The following LITAF variants were observed in gnomAD, a reference collection of about 807,000 sequenced individuals.
The protein encoded by LITAF is lipopolysaccharide-induced tumor necrosis factor-alpha factor.
LITAF carries 9 observed loss-of-function variants against 14.5 expected under a neutral mutation model. The ratio of observed to expected loss-of-function variants is 0.62; its 90% CI spans 0.37 to 1.08. The LOEUF is 1.08. Ranked by LOEUF, LITAF falls within the 50% of genes least tolerant of loss-of-function variation. The pLI is 0.01. For synonymous variants in LITAF, 98 were observed against 88.2 expected (o/e 1.11, Z -0.62); for missense variants, 206 against 213.4 (o/e 0.97, Z 0.22).
upstream of LITAF, among the ~76,000 whole-genome samples, chr16:11,602,092 G>T (rs937956989): frequency 6.6e-6 from 1 of 152,210 alleles, no homozygotes; most frequent in African/African-American, 2.4e-5. Flanking sequence ...GGGTGCAGTG[G>T]CTCATGCCTG....
intron 3 of LITAF, among the ~76,000 whole-genome samples, chr16:11,618,571 G>A (rs2065031103): frequency 6.6e-6 from 1 of 152,206 alleles, no homozygotes; most frequent in Non-Finnish European, 1.5e-5. Flanking sequence ...TGTGTGCGAT[G>A]GGCTAATAGC....
rs2065131177 is a variant in LITAF at position 11,634,670 on chromosome 16, C to T, written c.-20-1033G>A. Among the ~76,000 whole-genome samples, 1 of 152,176 alleles carries T rather than the reference C, an allele frequency of 6.6e-6. No homozygotes were observed. Among genetic ancestry groups the T allele is most frequent in the African/African-American group, 2.4e-5 (1 of 41,456 alleles). On this transcript the variant is annotated intron_variant, in intron 2 of 3. Coordinates refer to the LITAF transcript ENST00000574848. The surrounding 1 kb of genome is among the most constrained non-coding windows in gnomAD (Gnocchi z 4.1). ...CCCCAACCAGTCAGCAGCACCCATT[C>T]CCTGGCCAGACGAACTATCCTTGAA...
chr16:11,607,545 GAAAAA>G (rs35035989), intron 3 of LITAF, among the ~76,000 whole-genome samples: 6 of 142,136 alleles, frequency 4.2e-5, no homozygotes, highest in Non-Finnish European at 7.7e-5. Context: ...TATCATTCGG[GAAAAA>G]AAAAAAAAGT....
intron 1 of LITAF, among the ~76,000 whole-genome samples, chr16:11,571,712 G>A (rs969457389): frequency 1.3e-5 from 2 of 152,180 alleles, no homozygotes; most frequent in African/African-American, 4.8e-5. Flanking sequence ...GTGGGAGTGG[G>A]CCCTGTGGTC....
At chr16:11,637,160 T>A (rs2065141408), upstream of LITAF, among the ~76,000 whole-genome samples, 1 of 152,214 alleles carries the variant, frequency 6.6e-6, no homozygotes, top group African/African-American at 2.4e-5. Context: ...CACAGTGCTA[T>A]GATTATAGGC....
chr16:11,608,041 CA>C (rs2064963551), intron 3 of LITAF, among the ~76,000 whole-genome samples: 1 of 152,202 alleles, frequency 6.6e-6, no homozygotes, highest in African/African-American at 2.4e-5. Context: ...TTAGCAGAAA[CA>C]GCTGGCTGAA....
chr16:11,583,194 T>C (rs562892235), intron 1 of LITAF, among the ~76,000 whole-genome samples: 11 of 152,330 alleles, frequency 7.2e-5, no homozygotes, highest in African/African-American at 2.4e-4. Flanking sequence ...TTCCATCTTC[T>C]GAGTTCAGGC....
At chr16:11,570,292 T>C (rs1033218678) in intron 1 of LITAF, among the ~76,000 whole-genome samples, 6 of 152,094 alleles carry the variant, frequency 3.9e-5, no homozygotes, top group African/African-American at 1.4e-4. Flanking sequence ...TACTATTATA[T>C]CAACACACAG....
chr16:11,574,938 G>A (rs1656958466), intron 1 of LITAF, among the ~76,000 whole-genome samples: 1 of 152,058 alleles, frequency 6.6e-6, no homozygotes. Flanking sequence ...AAATAGCTGG[G>A]ATTACAGGTG....
In LITAF at chr16:11,548,403, G is replaced by A. The variant is rs1399283662; in HGVS notation, c.*1234C>T. ...TCAGACTTTAGATTCCTCTGAAACAGTTCTGGTTCCCAAGCATCCGCACCA... is the reference window on the plus strand; with the variant it reads ...TCAGACTTTAGATTCCTCTGAAACAATTCTGGTTCCCAAGCATCCGCACCA... On this transcript the variant is annotated 3_prime_UTR_variant, in exon 4 of 4. Transcript: ENST00000622633. The A allele has an allele frequency of 2.2e-6, 1 of 453,932 alleles. No individual in the cohort carries two copies. Among genetic ancestry groups the A allele is most frequent in the Non-Finnish European group, 4.4e-6 (1 of 226,770 alleles). The allele number at this position is 453,932 out of a possible 1,614,324, so 28.1% of individuals were successfully genotyped here. A position where few individuals can be genotyped will look rare whatever the true frequency, so the allele number is the denominator to read the frequency against.
chr16:11,610,226 G>A (rs1179283569), intron 3 of LITAF, among the ~76,000 whole-genome samples: 1 of 152,218 alleles, frequency 6.6e-6, no homozygotes, highest in African/African-American at 2.4e-5. Context: ...CTGTCCCAGG[G>A]GAAAACAGGG....
intron 1 of LITAF, among the ~76,000 whole-genome samples, chr16:11,574,969 A>T (rs1158558804): frequency 6.6e-6 from 1 of 151,868 alleles, no homozygotes; most frequent in Non-Finnish European, 1.5e-5. Context: ...CGCTCAGCTC[A>T]TTTTTTTATT....
chr16:11,618,687 T>C (rs2065031570), intron 3 of LITAF, among the ~76,000 whole-genome samples: 1 of 151,912 alleles, frequency 6.6e-6, no homozygotes, highest in Non-Finnish European at 1.5e-5. Context: ...AGCTGCAAAT[T>C]AAAAACCCCC....
chr16:11,547,911 G>A lies in LITAF; in HGVS notation c.*1726C>T, dbSNP rs952995860. ...TTTTAATCGGGAAGGATTTTCTACC[G>A]TTACTGAACAAATAAAGGTTCTTTG... On this transcript the variant is annotated 3_prime_UTR_variant, in exon 4 of 4. Coordinates refer to ENST00000622633, the MANE Select transcript of LITAF (RefSeq NM_001136472.2). 6.6e-6 allele frequency: 3 copies of A among 453,940 alleles called. No homozygotes were observed. The highest frequency in any genetic ancestry group is 2.0e-5 in the African/African-American group (1 of 49,968). The allele number at this position is 453,940 out of a possible 1,614,324, so 28.1% of individuals were successfully genotyped here.
At chr16:11,630,321 C>T (rs1279912734) in intron 3 of LITAF, among the ~76,000 whole-genome samples, 3 of 152,208 alleles carry the variant, frequency 2.0e-5, no homozygotes, top group South Asian at 2.1e-4. Context: ...AGGAGGTGCC[C>T]GCAGTCTGGC....
At chr16:11,594,674 G>C (rs569351571) in intron 1 of LITAF, among the ~76,000 whole-genome samples, 19 of 152,062 alleles carry the variant, frequency 1.2e-4, no homozygotes, top group Non-Finnish European at 2.4e-4. Flanking sequence ...CTAAGAGTTT[G>C]AGACCAGCGT....
chr16:11,576,534 CA>C (rs66551972), intron 1 of LITAF, among the ~76,000 whole-genome samples: 8,241 of 62,926 alleles, frequency 0.13, 294 homozygotes, highest in African/African-American at 0.18. Flanking sequence ...TTACAATCTG[CA>C]AAAAAAAAAA....
chr16:11,592,985 A>G (rs1285854972), intron 1 of LITAF, among the ~76,000 whole-genome samples: 1 of 152,078 alleles, frequency 6.6e-6, no homozygotes, highest in African/African-American at 2.4e-5. Flanking sequence ...CCTGGCTAAC[A>G]AGGTGAAACC....
At chr16:11,614,305 T>C (rs1256698226) in intron 3 of LITAF, among the ~76,000 whole-genome samples, 1 of 150,350 alleles carries the variant, frequency 6.7e-6, no homozygotes, top group Non-Finnish European at 1.5e-5. Context: ...TTTCTTTTTT[T>C]TTTTTTTTTC....
Sources: allele counts gnomAD v4.1 joint callset (sites outside exome capture counted in the v4.1 genomes callset), GRCh38; gene constraint gnomAD v4.1.1; non-coding constraint Gnocchi (gnomAD v3.1); transcripts MANE v1.5; gene names NCBI Gene and HGNC (gene_info 2026-07-23, HGNC 2026-07-21).